Variants in ARHGAP21 observed in about 807,000 individuals in gnomAD.
The protein encoded by ARHGAP21 is Rho GTPase activating protein 21, also known as rho GTPase-activating protein 21.
ARHGAP21 carries 38 observed loss-of-function variants against 164.6 expected under a neutral mutation model. The observed-to-expected ratio is 0.23, with a 90% CI of 0.18 to 0.30. The LOEUF (loss-of-function observed/expected upper bound fraction) is 0.30. Ranked by LOEUF, ARHGAP21 falls within the 10% of genes least tolerant of loss-of-function variation. The pLI, the probability that ARHGAP21 is intolerant of heterozygous loss-of-function variation, is 1.00. For synonymous variants in ARHGAP21, 766 were observed against 857.9 expected, an observed-to-expected ratio of 0.89 and a Z score of 1.87; for missense variants, 1,822 against 2,370.7, an observed-to-expected ratio of 0.77 and a Z score of 4.81.
At chr10:24,623,484 A>G (rs1834777286) in intron 7 of ARHGAP21, among the ~76,000 whole-genome samples, 4 of 152,264 alleles carry the variant, frequency 2.6e-5, no homozygotes, top group Admixed American at 2.6e-4. Context: ...ATATGTCTAC[A>G]TAGTATTTTT....
Position 24,585,997 on chromosome 10 carries a change from C to T in ARHGAP21, c.4292G>A (p.Ser1431Asn). ...ATTGTCCAGTTCATCTTCTGAGCTG[C>T]TAGGCTGTGCTTTTTCTTTCGGCTT... ...RKKPKEKAQPSSSEDELDNVF... is the reference protein window; with the variant it reads ...RKKPKEKAQPNSSEDELDNVF... The change falls in exon 26 of 26, where the codon AGC becomes AAC. Residue 1431 changes from serine to asparagine, a missense_variant. By Grantham distance (46) the Ser-to-Asn change is conservative (BLOSUM62 1). This residue lies in a region of ARHGAP21 where 333 missense variants were observed against 383.9 expected (regional missense o/e 0.87). Transcript: ENST00000396432. 6.2e-7 allele frequency: 1 copy of T among 1,614,172 alleles called. No individual in the cohort carries two copies. The highest frequency in any genetic ancestry group is 8.5e-7 in the Non-Finnish European group (1 of 1,180,038).
At chr10:24,628,952 C>CTATATATATATATATATATA (rs71397962) in intron 7 of ARHGAP21, 12 of 13,764 alleles carry the variant, frequency 8.7e-4, no homozygotes, top group East Asian at 2.6e-3. Flanking sequence ...CACACACACA[C>CTATATATATATATATATATA]TATATATATA....
At chr10:24,606,471 ATAAT>A (rs1184095395) in intron 11 of ARHGAP21, among the ~76,000 whole-genome samples, 10 of 152,218 alleles carry the variant, frequency 6.6e-5, no homozygotes, top group African/African-American at 2.4e-4. Flanking sequence ...TGCCATTATA[ATAAT>A]TAAAAATATA....
At chr10:24,590,937 A>T (rs1415524424) in intron 24 of ARHGAP21, 2 of 897,086 alleles carry the variant, frequency 2.2e-6, no homozygotes, top group Non-Finnish European at 2.7e-6. Flanking sequence ...GGAAACTGTG[A>T]ATTAAAAAAA....
intron 13 of ARHGAP21, among the ~76,000 whole-genome samples, chr10:24,601,172 G>C (rs1374044821): frequency 6.6e-6 from 1 of 152,134 alleles, no homozygotes; most frequent in Non-Finnish European, 1.5e-5. Context: ...AGTTGGGAAG[G>C]CAATATGAAC....
rs57863565 is a variant in ARHGAP21, at chr10:24,719,098, TACACACACAC to T, written c.63+2729_63+2738del. On this transcript the variant is annotated intron_variant, in intron 2 of 25. Transcript: ENST00000396432. ...ATTGGTGTCAGAAGACTTCACGGACTACACACACACACACACACACACACACACACACCCC... is the reference window on the plus strand; with the variant it reads ...ATTGGTGTCAGAAGACTTCACGGACTACACACACACACACACACACACCCC... Among the ~76,000 whole-genome samples, 315 of 147,616 alleles carry T rather than the reference TACACACACAC, an allele frequency of 2.1e-3. 3 individuals are homozygous for T. The highest frequency in any genetic ancestry group is 7.7e-3 in the African/African-American group (305 of 39,680).
chr10:24,659,633 G>T (rs946121779), intron 4 of ARHGAP21, among the ~76,000 whole-genome samples: 2 of 152,130 alleles, frequency 1.3e-5, no homozygotes, highest in African/African-American at 2.4e-5. Context: ...TCTTTCTTAC[G>T]TATTTTCAAG....
chr10:24,666,931 GAAAGA>G lies in ARHGAP21; in HGVS notation c.268+49_268+53del, dbSNP rs1158605267. On this transcript the variant is annotated intron_variant, in intron 4 of 25. Coordinates refer to ENST00000396432, the MANE Select transcript of ARHGAP21 (RefSeq NM_020824.4). ...CTCATTTAGTATCACTTAAAGAACA[GAAAGA>G]AATGGGTAGAAAAACATTCAGAGAT... The G allele has an allele frequency of 1.3e-5, 17 of 1,302,254 alleles. No individual in the cohort carries two copies. The African/African-American group carries it at 1.8e-4, about 14-fold the overall frequency. The allele number at this position is 1,302,254 out of a possible 1,614,324, so 80.7% of individuals were successfully genotyped here. A position where few individuals can be genotyped will look rare whatever the true frequency, so the allele number is the denominator to read the frequency against.
At chr10:24,638,810 T>C (rs910281870) in intron 4 of ARHGAP21, among the ~76,000 whole-genome samples, 5 of 152,220 alleles carry the variant, frequency 3.3e-5, no homozygotes, top group Admixed American at 1.3e-4. Flanking sequence ...AAGACAATTA[T>C]CTTACATGGA....
rs1045375738 is a variant in ARHGAP21, at chr10:24,604,202, C to T, written c.2721+110G>A. 20 of 752,988 alleles carry T rather than the reference C, an allele frequency of 2.7e-5. No individual in the cohort carries two copies. In the African/African-American group the frequency reaches 3.1e-4, roughly 12 times the overall value. 46.6% of individuals were successfully genotyped at this position (752,988 alleles called of 1,614,324 possible). On this transcript the variant is annotated intron_variant, in intron 12 of 25. Transcript: ENST00000396432. ...CACAATGTGTATCAAGTATTACATA[C>T]TTACAGAATAAAAGATTATAATATT...
chr10:24,627,224 T>C (rs1337132463), intron 7 of ARHGAP21, among the ~76,000 whole-genome samples: 2 of 152,214 alleles, frequency 1.3e-5, no homozygotes, highest in African/African-American at 4.8e-5. Context: ...GGGTAAATGA[T>C]TTTTACAGTG....
rs745306285 is a variant in ARHGAP21, at chr10:24,670,443, C to T, written c.64-46G>A. The T allele has an allele frequency of 5.2e-5, 68 of 1,296,378 alleles. No individual in the cohort carries two copies. In the African/African-American group the frequency reaches 9.2e-4, roughly 17 times the overall value. The allele number at this position is 1,296,378 out of a possible 1,614,324, so 80.3% of individuals were successfully genotyped here. On this transcript the variant is annotated intron_variant, in intron 2 of 25. Transcript: ENST00000396432. ...AAAGTTAACTACATAACACAATATA[C>T]TTCCTCATCTAAAAAAATTCTATGT... is the stretch of plus-strand genomic sequence containing the variant.
In ARHGAP21 at chr10:24,620,600, C is replaced by T. The variant is rs770614207; in HGVS notation, c.1295G>A (p.Arg432His). Residue 432 changes from arginine to histidine, a missense_variant, in exon 9 of 26, where the codon CGC becomes CAC. Transcript: ENST00000396432. ...TCGACGTCGTCCCTGCAAAGTAGTGCGGTTGGGGACGACCTGGTTATAATC... is the reference window on the plus strand; with the variant it reads ...TCGACGTCGTCCCTGCAAAGTAGTGTGGTTGGGGACGACCTGGTTATAATC... ...TTDYNQVVPNRTTLQGRRRST... is the reference protein window; with the variant it reads ...TTDYNQVVPNHTTLQGRRRST... 22 of 1,614,196 alleles carry T rather than the reference C, an allele frequency of 1.4e-5. No homozygotes were observed. The highest frequency in any genetic ancestry group is 3.3e-4 in the Middle Eastern group (2 of 6,062).
chr10:24,645,045 C>A (rs967256616), intron 4 of ARHGAP21, among the ~76,000 whole-genome samples: 3 of 152,114 alleles, frequency 2.0e-5, no homozygotes, highest in Non-Finnish European at 4.4e-5. Context: ...TTTAATGACA[C>A]CTCCATCTAT....
At chr10:24,639,354 G>T (rs1836748526) in intron 4 of ARHGAP21, among the ~76,000 whole-genome samples, 1 of 151,918 alleles carries the variant, frequency 6.6e-6, no homozygotes, top group South Asian at 2.1e-4. Flanking sequence ...TGAAAAATGG[G>T]GATGATAATA....
Position 24,607,483 on chromosome 10 carries a change from T to C in ARHGAP21, c.2684+16A>G, listed in dbSNP as rs1399572179. ...ACCCACATACAAATATTTAAAATAATACACCCGAGACTTACAATTTTGCAT... is the reference window on the plus strand; with the variant it reads ...ACCCACATACAAATATTTAAAATAACACACCCGAGACTTACAATTTTGCAT... On this transcript the variant is annotated intron_variant, in intron 11 of 25. Coordinates refer to ENST00000396432, the MANE Select transcript of ARHGAP21 (RefSeq NM_020824.4). 2 of 1,603,182 alleles carry C rather than the reference T, an allele frequency of 1.2e-6. No individual in the cohort carries two copies. The highest frequency in any genetic ancestry group is 1.7e-6 in the Non-Finnish European group (2 of 1,171,930).
chr10:24,588,728 G>A (rs1156990355), intron 25 of ARHGAP21, among the ~76,000 whole-genome samples: 3 of 152,024 alleles, frequency 2.0e-5, no homozygotes, highest in Non-Finnish European at 4.4e-5. Flanking sequence ...TGTAATTGAG[G>A]GAACACAGAT....
chr10:24,669,647 T>C (rs1320025319), intron 3 of ARHGAP21, among the ~76,000 whole-genome samples: 1 of 152,180 alleles, frequency 6.6e-6, no homozygotes, highest in Non-Finnish European at 1.5e-5. Flanking sequence ...TCATAACGAA[T>C]GGTAAGGAAC....
At position 24,717,596 on chromosome 10, in the gene ARHGAP21, A is replaced by G. The variant is rs1025110943; in HGVS notation, c.63+4241T>C. On this transcript the variant is annotated intron_variant, in intron 2 of 25. Coordinates refer to ENST00000396432, the MANE Select transcript of ARHGAP21 (RefSeq NM_020824.4). ...GGAGGAACAGGGGACAGTAGAGGGA[A>G]GGGTAGAAGAAAGGACCTGACAGGA... is the stretch of plus-strand genomic sequence containing the variant. 2.0e-5 allele frequency among the ~76,000 whole-genome samples: 3 copies of G among 152,264 alleles called. No individual in the cohort carries two copies. In the South Asian group the frequency reaches 6.2e-4, roughly 32 times the overall value.
Sources: gnomAD v4.1 joint callset for allele counts (sites outside exome capture counted in the v4.1 genomes callset) on GRCh38, gnomAD v4.1.1 for gene constraint, gnomAD v4.1.1 regional missense constraint, MANE v1.5 for transcripts, NCBI Gene and HGNC (gene_info 2026-07-23, HGNC 2026-07-21) for gene names.